The following SHANK2 variants were observed in gnomAD, a reference collection of about 807,000 sequenced individuals.
SHANK2 encodes the protein SH3 and multiple ankyrin repeat domains protein 2.
In SHANK2, 43 loss-of-function variants were observed where a neutral mutation model predicts 133.7. The observed-to-expected ratio is 0.32, with a 90% CI of 0.25 to 0.41. The LOEUF (loss-of-function observed/expected upper bound fraction) is 0.41. SHANK2 is among the 10% of genes least tolerant of loss of function. The pLI is 1.00. For missense variants in SHANK2, 1,994 were observed against 2,235.8 expected (o/e 0.89, Z 2.18); for synonymous variants, 1,017 against 952.8 (o/e 1.07, Z -1.24).
chr11:70,587,147 G>A (rs993610655), intron 17 of SHANK2, among the ~76,000 whole-genome samples: 7 of 152,290 alleles, frequency 4.6e-5, no homozygotes, highest in South Asian at 2.1e-4. Context: ...GGGTTGTTGC[G>A]TCACTTCCAC....
intron 9 of SHANK2, among the ~76,000 whole-genome samples, chr11:71,057,273 G>A (rs1229722947): frequency 1.3e-5 from 2 of 152,154 alleles, no homozygotes; most frequent in Non-Finnish European, 2.9e-5. Context: ...GGCGGAGGTT[G>A]CAGTGAGCCG....
intron 8 of SHANK2, among the ~76,000 whole-genome samples, chr11:71,084,677 C>T (rs1951353593): frequency 2.0e-5 from 3 of 152,148 alleles, no homozygotes; most frequent in Non-Finnish European, 4.4e-5. Flanking sequence ...AACCCACCTG[C>T]CCCTGTAATT....
chr11:70,749,004 C>G (rs1474161148), intron 14 of SHANK2, among the ~76,000 whole-genome samples: 1 of 121,248 alleles, frequency 8.2e-6, no homozygotes, highest in African/African-American at 3.4e-5. Flanking sequence ...CACACACACA[C>G]AGCGACCGAC....
chr11:71,209,180 C>G (rs1439163503), intron 2 of SHANK2, among the ~76,000 whole-genome samples: 2 of 152,194 alleles, frequency 1.3e-5, no homozygotes, highest in African/African-American at 2.4e-5. Context: ...AATCACGAAG[C>G]AGGAGGCTCC....
intron 17 of SHANK2, among the ~76,000 whole-genome samples, chr11:70,537,503 C>T (rs187155117): frequency 3.3e-5 from 5 of 152,342 alleles, no homozygotes; most frequent in African/African-American, 7.2e-5. Context: ...AGCCAAGGAA[C>T]GCTGGGAGCC....
In SHANK2 at chr11:70,899,194, C is replaced by T. The variant is rs190532989; in HGVS notation, c.1108-2627G>A. ...TATAATCCCCATGATCCCCATGTGT[C>T]GAGGGAGGGACCCGGCGGGAGGTAA... On this transcript the variant is annotated intron_variant, in intron 10 of 25. Coordinates refer to ENST00000601538, the MANE Select transcript of SHANK2 (RefSeq NM_012309.5). 4.2e-4 allele frequency among the ~76,000 whole-genome samples: 64 copies of T among 152,226 alleles called. 1 individual carries two copies. In the East Asian group the frequency reaches 5.6e-3, roughly 13 times the overall value.
intron 17 of SHANK2, among the ~76,000 whole-genome samples, chr11:70,622,708 G>A (rs782098421): frequency 5.9e-5 from 9 of 152,148 alleles, no homozygotes; most frequent in East Asian, 1.9e-4. Context: ...GGACATCTGC[G>A]AAGACCGTGT....
In SHANK2 at chr11:70,888,227, A is replaced by C. The variant is rs566897958; in HGVS notation, c.1174+8274T>G. On this transcript the variant is annotated intron_variant, in intron 11 of 25. Transcript: ENST00000601538. ...TGGAGGATATGGGGTGGAGGAAGCC[A>C]AGCCACAGAACCTAGAATCAGGAAG... is the stretch of plus-strand genomic sequence containing the variant. Among the ~76,000 whole-genome samples, 29 of 151,902 alleles carry C rather than the reference A, an allele frequency of 1.9e-4. No individual in the cohort carries two copies. In the South Asian group the frequency reaches 6.1e-3, roughly 32 times the overall value.
intron 2 of SHANK2, among the ~76,000 whole-genome samples, chr11:71,215,786 A>G (rs1565520293): frequency 6.6e-6 from 1 of 152,212 alleles, no homozygotes; most frequent in Non-Finnish European, 1.5e-5. Flanking sequence ...ATGACACCCC[A>G]GAAGCGGCAC....
At chr11:70,918,581 C>T (rs1950303128) in intron 10 of SHANK2, among the ~76,000 whole-genome samples, 1 of 152,186 alleles carries the variant, frequency 6.6e-6, no homozygotes, top group Admixed American at 6.5e-5. Context: ...TCTCGGCTCA[C>T]TGCAACCTCC....
intron 8 of SHANK2, among the ~76,000 whole-genome samples, chr11:71,085,019 T>C (rs1016859135): frequency 6.6e-6 from 1 of 151,718 alleles, no homozygotes; most frequent in Non-Finnish European, 1.5e-5. Flanking sequence ...TTGCTACGGG[T>C]CCTATACACA....
chr11:70,654,249 C>T (rs1203500746), intron 17 of SHANK2: 1 of 152,100 alleles, frequency 6.6e-6, no homozygotes, highest in African/African-American at 2.4e-5. Flanking sequence ...AAGGAATGGC[C>T]CCGGGAAATT....
At chr11:70,922,592 A>T (rs1555080896) in intron 10 of SHANK2, among the ~76,000 whole-genome samples, 1 of 152,214 alleles carries the variant, frequency 6.6e-6, no homozygotes, top group Non-Finnish European at 1.5e-5. Flanking sequence ...ATAACTACTG[A>T]TCTAGAACCT....
intron 2 of SHANK2, among the ~76,000 whole-genome samples, chr11:71,200,395 G>C (rs1209691886): frequency 6.6e-6 from 1 of 152,098 alleles, no homozygotes; most frequent in Admixed American, 6.5e-5. Flanking sequence ...CCAGTTTTGG[G>C]CTATTATAAA....
At position 71,247,185 on chromosome 11, in the gene SHANK2, G is replaced by A. The variant is rs77899008; in HGVS notation, c.-113+5240C>T. Reference sequence around the variant, plus strand: ...TGTCCTAAAGCTCACTTACGTATCCGTCAAGAAAAAGTGGCTGTGAGTCAC... The same window carrying A: ...TGTCCTAAAGCTCACTTACGTATCCATCAAGAAAAAGTGGCTGTGAGTCAC... On this transcript the variant is annotated intron_variant, in intron 1 of 25. Coordinates refer to ENST00000601538, the MANE Select transcript of SHANK2 (RefSeq NM_012309.5). Among the ~76,000 whole-genome samples the A allele has an allele frequency of 7.9e-3, 1,208 of 152,272 alleles. 12 individuals carry two copies. The highest frequency in any genetic ancestry group is 0.026 in the African/African-American group (1,095 of 41,548).
At chr11:70,510,279 T>TA (rs1554969098) in intron 17 of SHANK2, among the ~76,000 whole-genome samples, 1 of 152,110 alleles carries the variant, frequency 6.6e-6, no homozygotes, top group East Asian at 1.9e-4. Flanking sequence ...TGGGGCATCT[T>TA]AAAGGTCCTG....
chr11:71,090,205 T>C (rs1325433166), intron 8 of SHANK2, among the ~76,000 whole-genome samples: 1 of 136,560 alleles, frequency 7.3e-6, no homozygotes, highest in Non-Finnish European at 1.6e-5. Context: ...TGTGTATGTG[T>C]CCTGCTGCTT....
rs56326812 is a variant in SHANK2, at chr11:70,601,015, A to ATATATCTATATCTATATCTATATC, written c.2061+58789_2061+58812dup. Among the ~76,000 whole-genome samples the ATATATCTATATCTATATCTATATC allele has an allele frequency of 3.5e-3, 455 of 128,374 alleles. 5 individuals are homozygous for ATATATCTATATCTATATCTATATC. Among genetic ancestry groups the ATATATCTATATCTATATCTATATC allele is most frequent in the African/African-American group, 7.4e-3 (264 of 35,760 alleles). The allele number at this position is 128,374 out of a possible 152,430, so 84.2% of individuals were successfully genotyped here. A position where few individuals can be genotyped will look rare whatever the true frequency, so the allele number is the denominator to read the frequency against. ...GACAAGCTAAAGATTAGTAAAGAGAATATATCTATATCTATATCTATATCT... is the reference window on the plus strand; with the variant it reads ...GACAAGCTAAAGATTAGTAAAGAGAATATATCTATATCTATATCTATATCTATATCTATATCTATATCTATATCT... On this transcript the variant is annotated intron_variant, in intron 17 of 25. Coordinates refer to ENST00000601538, the MANE Select transcript of SHANK2 (RefSeq NM_012309.5).
intron 17 of SHANK2, chr11:70,631,970 A>G (rs1190193202): frequency 6.6e-6 from 1 of 152,258 alleles, no homozygotes; most frequent in African/African-American, 2.4e-5. Flanking sequence ...TTGGAATCAC[A>G]CGCAGAAATT....
Sources: gnomAD v4.1 joint callset for allele counts (sites outside exome capture counted in the v4.1 genomes callset) on GRCh38, gnomAD v4.1.1 for gene constraint, MANE v1.5 for transcripts, NCBI Gene and HGNC (gene_info 2026-07-23, HGNC 2026-07-21) for gene names.